FANCM: variants seen among roughly 807,000 people sequenced by gnomAD.
The protein encoded by FANCM is Fanconi anemia group M protein.
A neutral mutation model predicts 199.5 loss-of-function variants in FANCM; 140 were observed. The ratio of observed to expected loss-of-function variants is 0.70; its 90% CI spans 0.61 to 0.81. The LOEUF is 0.81. Among genes scored for constraint, FANCM ranks in the 30% least tolerant of loss-of-function variants. The pLI, the probability that FANCM is intolerant of heterozygous loss-of-function variation, is 0.00. For synonymous variants in FANCM, 840 were observed against 836.8 expected (o/e 1.00, Z -0.07); for missense variants, 2,410 against 2,421.4 (o/e 1.00, Z 0.10).
Position 45,165,412 on chromosome 14 carries a change from G to A in FANCM, c.1788+847G>A, listed in dbSNP as rs1460682567. 9.2e-5 allele frequency among the ~76,000 whole-genome samples: 14 copies of A among 152,222 alleles called. No individual in the cohort carries two copies. In the East Asian group the frequency reaches 2.7e-3, roughly 29 times the overall value. On this transcript the variant is annotated intron_variant, in intron 10 of 22. Transcript: ENST00000267430. ...AGAATACAAAAACGAGACAGGTGTGGTGGCGCACGTCTGTAATCCCAGCTA... is the reference window on the plus strand; with the variant it reads ...AGAATACAAAAACGAGACAGGTGTGATGGCGCACGTCTGTAATCCCAGCTA...
intron 5 of FANCM, 106 bp downstream of exon 5, chr14:45,151,634 GA>G: frequency 1.9e-6 from 2 of 1,048,178 alleles, no homozygotes; most frequent in Non-Finnish European, 2.9e-6. Context: ...ATCAATAATT[GA>G]AAAATGAGGC....
At chr14:45,139,686 A>G (rs1452088176) in intron 2 of FANCM, among the ~76,000 whole-genome samples, 1 of 152,224 alleles carries the variant, frequency 6.6e-6, no homozygotes, top group Admixed American at 6.5e-5. Flanking sequence ...CACTTAATTT[A>G]TATATTGTGA....
intron 19 of FANCM, among the ~76,000 whole-genome samples, chr14:45,188,286 C>T (rs1467519256): frequency 6.6e-6 from 1 of 152,132 alleles, no homozygotes; most frequent in Non-Finnish European, 1.5e-5. Context: ...TTGCAATGAG[C>T]CAAGATTGCA....
intron 4 of FANCM, among the ~76,000 whole-genome samples, chr14:45,149,768 C>T (rs186275850): frequency 6.6e-6 from 1 of 152,122 alleles, no homozygotes; most frequent in Admixed American, 6.6e-5. Context: ...ACCTACCTGG[C>T]AACATTTGGC....
intron 21 of FANCM, among the ~76,000 whole-genome samples, chr14:45,197,788 G>C (rs1333291484): frequency 7.0e-6 from 1 of 143,864 alleles, no homozygotes; most frequent in Non-Finnish European, 1.5e-5. Flanking sequence ...TTTTGAAATG[G>C]AGTCTTGCTC....
chr14:45,188,406 T>C (rs1889545508), intron 19 of FANCM, among the ~76,000 whole-genome samples: 1 of 152,222 alleles, frequency 6.6e-6, no homozygotes, highest in South Asian at 2.1e-4. Context: ...ATAAAAATGT[T>C]AAATGCTGAA....
At position 45,155,381 on chromosome 14, in the gene FANCM, A is replaced by G; in HGVS notation, c.1318A>G (p.Asn440Asp). ...GISAIQQGDK[N>D]KKFVYSHPKL... is the part of the protein sequence containing the mutation. Reference sequence around the variant, plus strand: ...TTTTTGTTTTGTTCCAGGAGATAAAAATAAAAAATTTGTTTATAGTCATCC... The same window carrying G: ...TTTTTGTTTTGTTCCAGGAGATAAAGATAAAAAATTTGTTTATAGTCATCC... The change falls in exon 8 of 23, where the codon AAT becomes GAT. Residue 440 changes from asparagine (N) to aspartate (D), a missense_variant. Asn to Asp is a conservative substitution (Grantham distance 23, BLOSUM62 1). Coordinates refer to ENST00000267430, the MANE Select transcript of FANCM (RefSeq NM_020937.4). 7.4e-7 allele frequency: 1 copy of G among 1,345,968 alleles called. No individual in the cohort carries two copies. Among genetic ancestry groups the G allele is most frequent in the East Asian group, 2.3e-5 (1 of 43,364 alleles). 83.4% of individuals were successfully genotyped at this position (1,345,968 alleles called of 1,614,324 possible). A position where few individuals can be genotyped will look rare whatever the true frequency, so the allele number is the denominator to read the frequency against.
chr14:45,141,487 C>T (rs1885945311), intron 3 of FANCM, among the ~76,000 whole-genome samples: 1 of 127,056 alleles, frequency 7.9e-6, no homozygotes, highest in Non-Finnish European at 1.6e-5. Context: ...CCCTCCCCTC[C>T]CCTTTCTCCT....
At chr14:45,143,171 C>A (rs1322519988) in intron 3 of FANCM, among the ~76,000 whole-genome samples, 1 of 140,354 alleles carries the variant, frequency 7.1e-6, no homozygotes, top group African/African-American at 2.6e-5. Context: ...TAGACATGCA[C>A]TTTTTTTTTT....
At chr14:45,163,015 T>C (rs1203305716) in intron 9 of FANCM, among the ~76,000 whole-genome samples, 2 of 152,190 alleles carry the variant, frequency 1.3e-5, no homozygotes, top group African/African-American at 4.8e-5. Flanking sequence ...AGGATTTCCA[T>C]ATTGAAAGAA....
In FANCM at chr14:45,159,185, C is replaced by T. The variant is rs767491504; in HGVS notation, c.1486C>T (p.Leu496Phe). ...TAGTGTTCAAGAAATTGCAGAAATGCTTTCACAGCATCAGCCAATTATTAG... is the reference window on the plus strand; with the variant it reads ...TAGTGTTCAAGAAATTGCAGAAATGTTTTCACAGCATCAGCCAATTATTAG... ...RDSVQEIAEM[L>F]SQHQPIIRVM... Residue 496 changes from leucine (L) to phenylalanine (F), a missense_variant, in exon 9 of 23, where the codon CTT (leucine) becomes TTT (phenylalanine). By Grantham distance (22) the Leu-to-Phe change is conservative. Transcript: ENST00000267430. 6.2e-7 allele frequency: 1 copy of T among 1,613,190 alleles called. No homozygotes were observed. The highest frequency in any genetic ancestry group is 8.5e-7 in the Non-Finnish European group (1 of 1,179,258).
Position 45,160,011 on chromosome 14 carries a change from T to G in FANCM, c.1581+731T>G, listed in dbSNP as rs545469531. ...ATGAGGTTTTTTTTTTGTTTTTTTTTTTTTTTTTAGATGGAATCTTACTCT... is the reference window on the plus strand; with the variant it reads ...ATGAGGTTTTTTTTTTGTTTTTTTTGTTTTTTTTAGATGGAATCTTACTCT... On this transcript the variant is annotated intron_variant, in intron 9 of 22. Transcript: ENST00000267430. 1.4e-3 allele frequency among the ~76,000 whole-genome samples: 205 copies of G among 150,482 alleles called. 2 individuals carry two copies. The highest frequency in any genetic ancestry group is 4.0e-3 in the African/African-American group (163 of 41,210).
chr14:45,193,391 C>T (rs1329547927), intron 20 of FANCM, among the ~76,000 whole-genome samples: 1 of 152,158 alleles, frequency 6.6e-6, no homozygotes, highest in African/African-American at 2.4e-5. Flanking sequence ...AGTGCTCCCT[C>T]CCACCAGGCT....
At chr14:45,161,079 C>G (rs1200930027) in intron 9 of FANCM, among the ~76,000 whole-genome samples, 2 of 152,000 alleles carry the variant, frequency 1.3e-5, no homozygotes, top group African/African-American at 4.8e-5. Flanking sequence ...TTTGAAATAC[C>G]TGCAGTACCC....
intron 9 of FANCM, among the ~76,000 whole-genome samples, chr14:45,160,953 T>C (rs1887561264): frequency 6.6e-6 from 1 of 152,128 alleles, no homozygotes; most frequent in South Asian, 2.1e-4. Flanking sequence ...TTGCCTATTA[T>C]CAAGTCAGAT....
At chr14:45,159,758 A>G (rs1887454157) in intron 9 of FANCM, among the ~76,000 whole-genome samples, 1 of 152,162 alleles carries the variant, frequency 6.6e-6, no homozygotes, top group Non-Finnish European at 1.5e-5. Flanking sequence ...AGAAGAAACC[A>G]TGATAGTATT....
In FANCM at chr14:45,164,444, A is replaced by C; in HGVS notation, c.1667A>C (p.Asp556Ala). 6.2e-7 allele frequency: 1 copy of C among 1,613,498 alleles called. No homozygotes were observed. Among genetic ancestry groups the C allele is most frequent in the South Asian group, 1.1e-5 (1 of 91,052 alleles). Residue 556 changes from aspartate to alanine, a missense_variant, in exon 10 of 23, where the codon GAT becomes GCT. Asp to Ala is a moderately radical substitution (Grantham distance 126). Coordinates refer to ENST00000267430, the MANE Select transcript of FANCM (RefSeq NM_020937.4). ...GAAGGTTTGGATATAGGAGAAGTTG[A>C]TCTTATAATATGTTTTGATTCCCAG... ...GEEGLDIGEV[D>A]LIICFDSQKS...
chr14:45,154,487 C>A (rs1887044872), intron 6 of FANCM, among the ~76,000 whole-genome samples: 1 of 151,366 alleles, frequency 6.6e-6, no homozygotes, highest in Non-Finnish European at 1.5e-5. Flanking sequence ...TAACAAATGG[C>A]CATGTTTCTT....
In FANCM at chr14:45,176,427, A is replaced by G. The variant is rs751089780; in HGVS notation, c.3673A>G (p.Arg1225Gly). 1.9e-6 allele frequency: 3 copies of G among 1,613,100 alleles called. No homozygotes were observed. Among genetic ancestry groups the G allele is most frequent in the Middle Eastern group, 1.7e-4 (1 of 6,060 alleles). Reference sequence around the variant, plus strand: ...TCATGAGGATATTTTTGATTGCTCTAGGGATTTATTTTCTGTTACCTTTGA... The same window carrying G: ...TCATGAGGATATTTTTGATTGCTCTGGGGATTTATTTTCTGTTACCTTTGA... ...KNHEDIFDCS[R>G]DLFSVTFDLG... Residue 1225 changes from arginine to glycine, a missense_variant, in exon 14 of 23, where the codon AGG (arginine) becomes GGG (glycine). Transcript: ENST00000267430.
Sources: allele counts gnomAD v4.1 joint callset (sites outside exome capture counted in the v4.1 genomes callset), GRCh38; gene constraint gnomAD v4.1.1; transcripts MANE v1.5; gene names NCBI Gene and HGNC (gene_info 2026-07-23, HGNC 2026-07-21).